Variants in ERN1 observed in about 807,000 individuals in gnomAD.
ERN1 encodes serine/threonine-protein kinase/endoribonuclease IRE1.
In ERN1, 39 loss-of-function variants were observed where a neutral mutation model predicts 113.1. The observed-to-expected ratio is 0.34, with a 90% CI of 0.27 to 0.45. The LOEUF is 0.45. ERN1 is among the 20% of genes least tolerant of loss of function. ERN1 has a pLI of 1.00. For missense variants in ERN1, 976 were observed against 1,274.8 expected, an observed-to-expected ratio of 0.77 and a Z score of 3.57; for synonymous variants, 507 against 515.9, an observed-to-expected ratio of 0.98 and a Z score of 0.23.
At chr17:64,059,970 T>C (rs1305779035) in intron 11 of ERN1, among the ~76,000 whole-genome samples, 1 of 151,038 alleles carries the variant, frequency 6.6e-6, no homozygotes, top group Non-Finnish European at 1.5e-5. Context: ...GGATTACAGG[T>C]GTGAGACACC....
chr17:64,129,994 C>G lies in ERN1; in HGVS notation c.36G>C (p.Leu12=). 1 of 1,448,150 alleles carries G rather than the reference C, an allele frequency of 6.9e-7. No individual in the cohort carries two copies. Among genetic ancestry groups the G allele is most frequent in the Non-Finnish European group, 9.0e-7 (1 of 1,106,062 alleles). The allele number at this position is 1,448,150 out of a possible 1,614,324, so 89.7% of individuals were successfully genotyped here. Residue 12 remains leucine, a synonymous_variant, in exon 1 of 22, where the codon CTG becomes CTC. Coordinates refer to ENST00000433197, the MANE Select transcript of ERN1 (RefSeq NM_001433.5). ...CACTCACCCCGAGGCCGGGCAGCAG[C>G]AGCGTCAGCAGCAGCAGCAGCCGCC... ...PARRLLLLLT[L]LLPGLGIFGS...
At chr17:64,120,067 T>A (rs542026729) in intron 1 of ERN1, among the ~76,000 whole-genome samples, 1 of 152,168 alleles carries the variant, frequency 6.6e-6, no homozygotes, top group African/African-American at 2.4e-5. Flanking sequence ...TTAAACATTT[T>A]TTTTTTAAAA....
chr17:64,068,632 C>T (rs1913314366), intron 6 of ERN1, among the ~76,000 whole-genome samples: 1 of 152,148 alleles, frequency 6.6e-6, no homozygotes, highest in Admixed American at 6.5e-5. Context: ...AAAATTGGCA[C>T]CTTGAAGCAG....
chr17:64,047,989 T>C lies in ERN1; in HGVS notation c.2402-4A>G, dbSNP rs772935049. 59 of 1,605,730 alleles carry C rather than the reference T, an allele frequency of 3.7e-5. No homozygotes were observed. Among genetic ancestry groups the C allele is most frequent in the Non-Finnish European group, 4.9e-5 (57 of 1,174,722 alleles). On this transcript the variant is annotated splice_polypyrimidine_tract_variant and splice_region_variant and intron_variant, in intron 18 of 21. Transcript: ENST00000433197. ...AATTCACGTGCAATGACGTCTTCTA[T>C]AAAGGAGGAAAATAAGCAACTCATG...
chr17:64,110,747 C>G (rs551939066), intron 1 of ERN1, among the ~76,000 whole-genome samples: 1 of 152,330 alleles, frequency 6.6e-6, no homozygotes, highest in South Asian at 2.1e-4. Flanking sequence ...CATCAGATTT[C>G]TGTAATTTCA....
At chr17:64,088,662 G>T (rs1914001063) in intron 2 of ERN1, among the ~76,000 whole-genome samples, 1 of 152,138 alleles carries the variant, frequency 6.6e-6, no homozygotes, top group Non-Finnish European at 1.5e-5. Flanking sequence ...TGCCATGCAG[G>T]ATAAAGAAGG....
In ERN1 at chr17:64,075,309, T is replaced by C; in HGVS notation, c.283-62A>G. ...CAAGTCTTGTGCAATTATTACAATT[T>C]TACCAGGCAGTTTGTTTCTATTACC... On this transcript the variant is annotated intron_variant, in intron 4 of 21. Transcript: ENST00000433197. 4 of 1,383,824 alleles carry C rather than the reference T, an allele frequency of 2.9e-6. No individual in the cohort carries two copies. The South Asian group carries it at 5.6e-5, about 19-fold the overall frequency. 85.7% of individuals were successfully genotyped at this position (1,383,824 alleles called of 1,614,324 possible). A position where few individuals can be genotyped will look rare whatever the true frequency, so the allele number is the denominator to read the frequency against.
intron 1 of ERN1, among the ~76,000 whole-genome samples, chr17:64,121,336 G>A (rs1251220909): frequency 6.6e-6 from 1 of 152,210 alleles, no homozygotes; most frequent in Non-Finnish European, 1.5e-5. Flanking sequence ...CTAGAGAAGA[G>A]CGGCTTGGGT....
rs1335201678 is a variant in ERN1, at chr17:64,049,943, G to A, written c.2254-741C>T. ...CCTCTGAGATTCTCCACCAGGTGAA[G>A]TGAGGGTCTAGTGTGAGGAAGCAGG... On this transcript the variant is annotated intron_variant, in intron 17 of 21. Transcript: ENST00000433197. This position sits in a 1 kb window ranked among gnomAD's most constrained non-coding sequence, Gnocchi z 4.7. Among the ~76,000 whole-genome samples the A allele has an allele frequency of 6.6e-6, 1 of 152,182 alleles. No homozygotes were observed. The highest frequency in any genetic ancestry group is 1.5e-5 in the Non-Finnish European group (1 of 68,026).
At position 64,043,931 on chromosome 17, in the gene ERN1, T is replaced by C. The variant is rs528560251; in HGVS notation, c.*57A>G. Reference sequence around the variant, plus strand: ...GCCGGGAGGCATCAAGCTCTAATTGTGGTGACCAGGCCCTCAGTCACAGCT... The same window carrying C: ...GCCGGGAGGCATCAAGCTCTAATTGCGGTGACCAGGCCCTCAGTCACAGCT... On this transcript the variant is annotated 3_prime_UTR_variant, in exon 22 of 22. Transcript: ENST00000433197. The C allele has an allele frequency of 9.7e-5, 118 of 1,219,294 alleles. No individual in the cohort carries two copies. Among genetic ancestry groups the C allele is most frequent in the Admixed American group, 4.0e-4 (19 of 47,270 alleles). The allele number at this position is 1,219,294 out of a possible 1,614,324, so 75.5% of individuals were successfully genotyped here. A position where few individuals can be genotyped will look rare whatever the true frequency, so the allele number is the denominator to read the frequency against.
rs1912327935 is a variant in ERN1 at position 64,041,244 on chromosome 17, A to C, written c.*2744T>G. ...ACACGTGCCCAAGAGAGGTTTAGTA[A>C]GACAAGATTTAAATAAGTCATAGTG... is the stretch of plus-strand genomic sequence containing the variant. On this transcript the variant is annotated 3_prime_UTR_variant, in exon 22 of 22. Transcript: ENST00000433197. The C allele has an allele frequency of 6.6e-6, 1 of 152,280 alleles. No individual in the cohort carries two copies. The highest frequency in any genetic ancestry group is 1.5e-5 in the Non-Finnish European group (1 of 68,054). The allele number at this position is 152,280 out of a possible 1,614,324, so 9.4% of individuals were successfully genotyped here.
At chr17:64,128,848 T>C (rs1269149304) in intron 1 of ERN1, 1 of 152,074 alleles carries the variant, frequency 6.6e-6, no homozygotes, top group Non-Finnish European at 1.5e-5. Flanking sequence ...TGTTTCCAAA[T>C]TCTTGTTACT....
At position 64,072,927 on chromosome 17, in the gene ERN1, A is replaced by G. The variant is rs149112913; in HGVS notation, c.356-824T>C. Among the ~76,000 whole-genome samples, 202 of 151,816 alleles carry G rather than the reference A, an allele frequency of 1.3e-3. 1 individual carries two copies. The highest frequency in any genetic ancestry group is 4.7e-3 in the African/African-American group (193 of 41,368). On this transcript the variant is annotated intron_variant, in intron 5 of 21. Transcript: ENST00000433197. ...GTGGTCATTTTTATCTTCCTAACTT[A>G]TTGGAAAAGTCTCCTGTTTTGGAGA...
At chr17:64,084,725 G>A (rs1409262734) in intron 2 of ERN1, among the ~76,000 whole-genome samples, 1 of 152,202 alleles carries the variant, frequency 6.6e-6, no homozygotes, top group African/African-American at 2.4e-5. Flanking sequence ...TGTTTACACA[G>A]TGGTTCATAA....
intron 1 of ERN1, among the ~76,000 whole-genome samples, chr17:64,116,291 A>G (rs925081956): frequency 1.3e-5 from 2 of 152,212 alleles, no homozygotes; most frequent in African/African-American, 4.8e-5. Context: ...AAAGCCCCAG[A>G]GATTTCCAAG....
Position 64,054,053 on chromosome 17 carries a change from C to A in ERN1, c.1953+197G>T. On this transcript the variant is annotated intron_variant, in intron 15 of 21. Coordinates refer to ENST00000433197, the MANE Select transcript of ERN1 (RefSeq NM_001433.5). The surrounding 1 kb of genome is among the most constrained non-coding windows in gnomAD (Gnocchi z 4.9). The stretch of plus-strand genomic sequence containing the variant: ...CTCCCAGGCTCAAGCAATCTTCCCA[C>A]CTCAGCCTCCCAAGTAGCTGGGGCT... 3.9e-6 allele frequency: 2 copies of A among 511,164 alleles called. No homozygotes were observed. The highest frequency in any genetic ancestry group is 3.5e-6 in the Non-Finnish European group (1 of 286,384). The allele number at this position is 511,164 out of a possible 1,614,324, so 31.7% of individuals were successfully genotyped here.
chr17:64,118,643 C>T (rs1246420756), intron 1 of ERN1, among the ~76,000 whole-genome samples: 1 of 152,224 alleles, frequency 6.6e-6, no homozygotes, highest in Non-Finnish European at 1.5e-5. Flanking sequence ...CAATGTGATG[C>T]TTGAAAGCAA....
At position 64,040,278 on chromosome 17, in the gene ERN1, T is replaced by A. The variant is rs1358473540; in HGVS notation, c.*3710A>T. ...CTTCCAGCACAGAAGGCTGCAAAAG[T>A]GGAACTGGCCCCCAGTTCCCAGAGG... On this transcript the variant is annotated 3_prime_UTR_variant, in exon 22 of 22. Coordinates refer to ENST00000433197, the MANE Select transcript of ERN1 (RefSeq NM_001433.5). 2 of 152,170 alleles carry A rather than the reference T, an allele frequency of 1.3e-5. No homozygotes were observed. Among genetic ancestry groups the A allele is most frequent in the South Asian group, 4.1e-4 (2 of 4,830 alleles). The allele number at this position is 152,170 out of a possible 1,614,324, so 9.4% of individuals were successfully genotyped here.
Position 64,097,959 on chromosome 17 carries a change from C to T in ERN1, c.175+162G>A, listed in dbSNP as rs1441492403. ...TGGATAACCACAGCAAAGCTATAAA[C>T]GTCCTTTGAGCAGAATGCCTTTTCC... On this transcript the variant is annotated intron_variant, in intron 2 of 21. Transcript: ENST00000433197. 4.7e-6 allele frequency: 4 copies of T among 854,906 alleles called. No individual in the cohort carries two copies. The East Asian group carries it at 8.2e-5, about 17-fold the overall frequency. The allele number at this position is 854,906 out of a possible 1,614,324, so 53.0% of individuals were successfully genotyped here.
Sources: gnomAD v4.1 joint callset for allele counts (sites outside exome capture counted in the v4.1 genomes callset) on GRCh38, gnomAD v4.1.1 for gene constraint, Gnocchi (gnomAD v3.1) non-coding constraint, MANE v1.5 for transcripts, NCBI Gene and HGNC (gene_info 2026-07-23, HGNC 2026-07-21) for gene names.